The following HAUS4 variants were observed in gnomAD, a reference collection of about 807,000 sequenced individuals.
The protein encoded by HAUS4 is HAUS augmin-like complex subunit 4.
In HAUS4, 34 loss-of-function variants were observed where a neutral mutation model predicts 50.6. That is an observed-to-expected ratio of 0.67 (90% CI 0.51 to 0.90). HAUS4 has a LOEUF of 0.90. HAUS4 is among the 40% of genes least tolerant of loss of function. The pLI is 0.00. For synonymous variants in HAUS4, 149 were observed against 161.4 expected (o/e 0.92, Z 0.58); for missense variants, 370 against 428.7 (o/e 0.86, Z 1.21).
At chr14:22,955,839 T>C (rs2044852874) in intron 1 of HAUS4, among the ~76,000 whole-genome samples, 2 of 152,132 alleles carry the variant, frequency 1.3e-5, no homozygotes, top group South Asian at 4.1e-4. Context: ...AGGTGTAATG[T>C]GGCTACAACG....
chr14:22,948,882 T>C (rs902316945), intron 6 of HAUS4, among the ~76,000 whole-genome samples: 4 of 151,954 alleles, frequency 2.6e-5, no homozygotes, highest in Admixed American at 6.6e-5. Flanking sequence ...AGACCAAGTG[T>C]GGTAGCTCAT....
chr14:22,947,817 T>G, intron 7 of HAUS4, 51 bp downstream of exon 7: 1 of 1,609,654 alleles, frequency 6.2e-7, no homozygotes, highest in South Asian at 1.1e-5. Flanking sequence ...TCCCCAAAAG[T>G]GCTCCTGGGG....
At chr14:22,949,190 G>A (rs1055145942) in intron 6 of HAUS4, among the ~76,000 whole-genome samples, 3 of 148,414 alleles carry the variant, frequency 2.0e-5, no homozygotes, top group African/African-American at 7.4e-5. Flanking sequence ...GTTTAGGGAG[G>A]AAAGTTCAGA....
intron 2 of HAUS4, among the ~76,000 whole-genome samples, chr14:22,953,014 T>C (rs900140825): frequency 1.3e-5 from 2 of 152,190 alleles, no homozygotes; most frequent in Admixed American, 1.3e-4. Flanking sequence ...GCCTCATTCA[T>C]CCAAAATTAA....
chr14:22,953,786 A>AT (rs60021495), intron 2 of HAUS4, among the ~76,000 whole-genome samples: 9,463 of 129,888 alleles, frequency 0.073, 823 homozygotes, highest in African/African-American at 0.22. Context: ...ACGCCCAGCT[A>AT]TTTTTTTTTT....
intron 2 of HAUS4, among the ~76,000 whole-genome samples, chr14:22,953,793 T>C (rs1369260115): frequency 2.0e-5 from 3 of 151,650 alleles, no homozygotes; most frequent in African/African-American, 4.8e-5. Flanking sequence ...GCTATTTTTT[T>C]TTTTTTTTTT....
intron 2 of HAUS4, among the ~76,000 whole-genome samples, chr14:22,953,110 C>T (rs1465721478): frequency 2.6e-5 from 4 of 152,080 alleles, no homozygotes; most frequent in Non-Finnish European, 5.9e-5. Flanking sequence ...ACAAGACTAA[C>T]AGAATACACT....
chr14:22,946,781 CTTTTTTT>C, intron 9 of HAUS4, 73 bp from the exon 10 acceptor site: 1 of 596,712 alleles, frequency 1.7e-6, no homozygotes, highest in Non-Finnish European at 2.6e-6. Flanking sequence ...AAATGAAAAA[CTTTTTTT>C]TTTTTTTTTT....
rs1485179207 is a variant in HAUS4, at chr14:22,946,478, G to A, written c.*47C>T. 2 of 1,482,204 alleles carry A rather than the reference G, an allele frequency of 1.3e-6. No homozygotes were observed. The highest frequency in any genetic ancestry group is 2.3e-5 in the East Asian group (1 of 43,630). The allele number at this position is 1,482,204 out of a possible 1,614,324, so 91.8% of individuals were successfully genotyped here. A position where few individuals can be genotyped will look rare whatever the true frequency, so the allele number is the denominator to read the frequency against. ...GGTGGTCCCACTAGCAGGAAGATTA[G>A]GAGGCAGCAGCTATGCAGAAGCCAT... is the stretch of plus-strand genomic sequence containing the variant. On this transcript the variant is annotated 3_prime_UTR_variant, in exon 10 of 10. Coordinates refer to ENST00000541587, the MANE Select transcript of HAUS4 (RefSeq NM_001166269.2).
chr14:22,953,595 G>A (rs779281569), intron 2 of HAUS4, among the ~76,000 whole-genome samples: 16 of 150,880 alleles, frequency 1.1e-4, no homozygotes, highest in Non-Finnish European at 2.1e-4. Context: ...ACAGGCATGC[G>A]CCACCATGCC....
At chr14:22,947,043 C>A (rs2008951) in intron 9 of HAUS4, 128 bp downstream of exon 9, 8 of 702,180 alleles carry the variant, frequency 1.1e-5, no homozygotes, top group East Asian at 5.4e-5. Context: ...CTCGGCCTCC[C>A]AAAGTGCTGG....
rs1030759967 is a variant in HAUS4 at position 22,946,386 on chromosome 14, A to C, written c.*139T>G. On this transcript the variant is annotated 3_prime_UTR_variant, in exon 10 of 10. Transcript: ENST00000541587. ...TAAAGAGAAACCAGGAGAGTGCCTAAATGACTGCAGTGTTTCAAGCGTAAG... is the reference window on the plus strand; with the variant it reads ...TAAAGAGAAACCAGGAGAGTGCCTACATGACTGCAGTGTTTCAAGCGTAAG... The C allele has an allele frequency of 3.7e-6, 2 of 539,588 alleles. No homozygotes were observed. Among genetic ancestry groups the C allele is most frequent in the Non-Finnish European group, 6.3e-6 (2 of 317,488 alleles). 33.4% of individuals were successfully genotyped at this position (539,588 alleles called of 1,614,324 possible).
chr14:22,950,471 C>G, intron 5 of HAUS4, 61 bp from the exon 6 acceptor site: 1 of 954,712 alleles, frequency 1.0e-6, no homozygotes, highest in Non-Finnish European at 1.7e-6. Context: ...GACGTCTCAG[C>G]CAATGAATAC....
At chr14:22,946,781 C>CTTTTT (rs11414358) in intron 9 of HAUS4, 73 bp from the exon 10 acceptor site, 30 of 596,942 alleles carry the variant, frequency 5.0e-5, no homozygotes, top group South Asian at 1.6e-4. Flanking sequence ...AAATGAAAAA[C>CTTTTT]TTTTTTTTTT....
chr14:22,950,244 A>G, intron 6 of HAUS4, 70 bp downstream of exon 6: 4 of 773,346 alleles, frequency 5.2e-6, no homozygotes, highest in Non-Finnish European at 8.8e-6. Context: ...ATCAAAATAT[A>G]TTATTCTCAA....
At chr14:22,948,457 G>A (rs1356796024) in intron 6 of HAUS4, among the ~76,000 whole-genome samples, 1 of 142,620 alleles carries the variant, frequency 7.0e-6, no homozygotes, top group Non-Finnish European at 1.5e-5. Flanking sequence ...AAAAAAGCGG[G>A]GGGGGGGAGG....
intron 1 of HAUS4, among the ~76,000 whole-genome samples, chr14:22,956,220 G>C (rs1261572593): frequency 6.6e-6 from 1 of 152,164 alleles, no homozygotes; most frequent in African/African-American, 2.4e-5. Flanking sequence ...CAGCTCGGCC[G>C]GCCGTTGCTT....
chr14:22,956,853 C>G (rs994963473), intron 1 of HAUS4, 63 bp downstream of exon 1: 1 of 154,220 alleles, frequency 6.5e-6, no homozygotes, highest in African/African-American at 2.4e-5. Context: ...GGCCACTGGC[C>G]GGAATGACTC....
At chr14:22,955,265 T>A in intron 1 of HAUS4, 89 bp from the exon 2 acceptor site, 1 of 843,228 alleles carries the variant, frequency 1.2e-6, no homozygotes, top group Non-Finnish European at 2.1e-6. Context: ...ATTTCTGCTG[T>A]CCACAAGCTG....
Sources: allele counts gnomAD v4.1 joint callset (sites outside exome capture counted in the v4.1 genomes callset), GRCh38; gene constraint gnomAD v4.1.1; transcripts MANE v1.5; gene names NCBI Gene and HGNC (gene_info 2026-07-23, HGNC 2026-07-21).